The following STK10 variants were observed in gnomAD, a reference collection of about 807,000 sequenced individuals.
STK10 encodes the protein serine/threonine-protein kinase 10.
Under a neutral mutation model 113.8 loss-of-function variants are expected in STK10, and 78 were observed. The observed-to-expected ratio is 0.69, with a 90% CI of 0.57 to 0.83. The LOEUF (loss-of-function observed/expected upper bound fraction) is 0.83, where lower values mean the gene tolerates loss of function less well. STK10 is among the 40% of genes least tolerant of loss of function. The pLI is 0.00. For missense variants in STK10, 1,109 were observed against 1,280.1 expected (o/e 0.87, Z 2.04); for synonymous variants, 465 against 494.7 (o/e 0.94, Z 0.80).
chr5:172,136,501 G>A lies in STK10; in HGVS notation c.322-9080C>T, dbSNP rs538517071. ...AGTCCCAGCTACTCGGGAGGCTGAGGCAGGAGAATGGTGTGAACCCAGGAG... is the reference window on the plus strand; with the variant it reads ...AGTCCCAGCTACTCGGGAGGCTGAGACAGGAGAATGGTGTGAACCCAGGAG... On this transcript the variant is annotated intron_variant, in intron 2 of 18. Coordinates refer to ENST00000176763, the MANE Select transcript of STK10 (RefSeq NM_005990.4). 1.6e-3 allele frequency among the ~76,000 whole-genome samples: 249 copies of A among 152,318 alleles called. 2 individuals carry two copies. The highest frequency in any genetic ancestry group is 4.1e-3 in the Admixed American group (62 of 15,294).
Position 172,188,206 on chromosome 5 carries a change from G to A in STK10, c.-164C>T, listed in dbSNP as rs941582461. On this transcript the variant is annotated 5_prime_UTR_variant, in exon 1 of 19. Transcript: ENST00000176763. The surrounding 1 kb of genome is among the most constrained non-coding windows in gnomAD (Gnocchi z 5.6). ...CCGACCTCGGTCAAGTGTGCCCTGG[G>A]CAGCGCCGCGCCGGGAGCACCCGGA... 4 of 1,223,050 alleles carry A rather than the reference G, an allele frequency of 3.3e-6. No individual in the cohort carries two copies. Among genetic ancestry groups the A allele is most frequent in the Non-Finnish European group, 3.2e-6 (3 of 932,768 alleles). The allele number at this position is 1,223,050 out of a possible 1,614,324, so 75.8% of individuals were successfully genotyped here. A position where few individuals can be genotyped will look rare whatever the true frequency, so the allele number is the denominator to read the frequency against.
At chr5:172,134,302 T>C (rs1581171979) in intron 2 of STK10, among the ~76,000 whole-genome samples, 1 of 152,228 alleles carries the variant, frequency 6.6e-6, no homozygotes, top group African/African-American at 2.4e-5. Context: ...GTAGGATGTA[T>C]GATCATCCTC....
At chr5:172,129,405 G>C (rs867145367) in intron 2 of STK10, among the ~76,000 whole-genome samples, 7 of 152,126 alleles carry the variant, frequency 4.6e-5, no homozygotes, top group Admixed American at 6.5e-5. Context: ...GGTCCTGCCT[G>C]GTCATCAACA....
chr5:172,062,518 A>G (rs1427751993), intron 13 of STK10, among the ~76,000 whole-genome samples: 1 of 147,002 alleles, frequency 6.8e-6, no homozygotes, highest in Non-Finnish European at 1.5e-5. Context: ...CGATAGATAA[A>G]TGGATAAATC....
At chr5:172,097,382 C>T (rs1234767037) in intron 7 of STK10, among the ~76,000 whole-genome samples, 1 of 152,208 alleles carries the variant, frequency 6.6e-6, no homozygotes, top group African/African-American at 2.4e-5. Flanking sequence ...GTAACTGCCA[C>T]CCAGCTCAAG....
At position 172,139,304 on chromosome 5, in the gene STK10, A is replaced by G. The variant is rs554578696; in HGVS notation, c.322-11883T>C. ...ATTTCAAAATGTACTACAATGCTGCAGTAACCAATACGGTGTGGTACTGGC... is the reference window on the plus strand; with the variant it reads ...ATTTCAAAATGTACTACAATGCTGCGGTAACCAATACGGTGTGGTACTGGC... On this transcript the variant is annotated intron_variant, in intron 2 of 18. Transcript: ENST00000176763. 2.4e-4 allele frequency among the ~76,000 whole-genome samples: 37 copies of G among 152,330 alleles called. 1 individual carries two copies. Among genetic ancestry groups the G allele is most frequent in the Middle Eastern group, 6.8e-3 (2 of 294 alleles).
intron 1 of STK10, among the ~76,000 whole-genome samples, chr5:172,157,129 G>T (rs1162866729): frequency 6.6e-6 from 1 of 152,192 alleles, no homozygotes; most frequent in Non-Finnish European, 1.5e-5. Flanking sequence ...CATAAAAAAT[G>T]GAAAACTACG....
chr5:172,125,020 G>A (rs113480937), intron 3 of STK10, among the ~76,000 whole-genome samples: 6 of 152,110 alleles, frequency 3.9e-5, no homozygotes, highest in Admixed American at 2.0e-4. Context: ...CCTTTTATGC[G>A]TTTGTTGCAA....
chr5:172,094,467 T>A (rs1212372905), intron 8 of STK10, among the ~76,000 whole-genome samples: 4 of 152,124 alleles, frequency 2.6e-5, no homozygotes, highest in African/African-American at 7.2e-5. Flanking sequence ...GGTTCCCACC[T>A]GGGAGTGGTC....
At chr5:172,127,328 C>T (rs761820561) in intron 3 of STK10, 45 bp downstream of exon 3, 33 of 1,610,426 alleles carry the variant, frequency 2.0e-5, no homozygotes, top group East Asian at 4.5e-5. Context: ...GGACTCCAAA[C>T]GAGTCGTCTG....
At chr5:172,181,234 G>A (rs908647583) in intron 1 of STK10, among the ~76,000 whole-genome samples, 1 of 152,172 alleles carries the variant, frequency 6.6e-6, no homozygotes. Flanking sequence ...CAGCATGTGC[G>A]TATTTCTTCT....
At position 172,061,416 on chromosome 5, in the gene STK10, CTT is replaced by C. The variant is rs202237173; in HGVS notation, c.2083-150_2083-149del. 2,914 of 1,122,462 alleles carry C rather than the reference CTT, an allele frequency of 2.6e-3. 51 individuals are homozygous for C. The African/African-American group carries it at 0.041, about 16-fold the overall frequency. The allele number at this position is 1,122,462 out of a possible 1,614,324, so 69.5% of individuals were successfully genotyped here. ...TGGTGGAGGAGAAATTTAAGGGAGA[CTT>C]AGAGACGCATCAACCAATTTCAACA... On this transcript the variant is annotated intron_variant, in intron 13 of 18. Coordinates refer to ENST00000176763, the MANE Select transcript of STK10 (RefSeq NM_005990.4).
intron 2 of STK10, among the ~76,000 whole-genome samples, chr5:172,132,498 T>A (rs1769775931): frequency 6.6e-6 from 1 of 152,082 alleles, no homozygotes; most frequent in Non-Finnish European, 1.5e-5. Flanking sequence ...GTCCCCTGCT[T>A]CCTGGATAAA....
chr5:172,055,697 A>AGCCGCGCCTTTTCCTGTTGCT lies in STK10; in HGVS notation c.2396_2416dup (p.Gln799_Arg805dup). 1 of 1,584,670 alleles carries AGCCGCGCCTTTTCCTGTTGCT rather than the reference A, an allele frequency of 6.3e-7. No individual in the cohort carries two copies. The highest frequency in any genetic ancestry group is 1.1e-5 in the South Asian group (1 of 87,242). ...GCCCTCACTCCTCTGGATCTTGGGC[A>AGCCGCGCCTTTTCCTGTTGCT]GCCGCGCCTTTTCCTGTTGCTGCCG... On this transcript the variant is annotated inframe_insertion, in exon 16 of 19. Coordinates refer to ENST00000176763, the MANE Select transcript of STK10 (RefSeq NM_005990.4).
In STK10 at chr5:172,188,011, C is replaced by T. The variant is rs115420947; in HGVS notation, c.32G>A (p.Arg11His). MAFANFRRILRLSTFEKRKSR... is the reference protein window; with the variant it reads MAFANFRRILHLSTFEKRKSR... Reference sequence around the variant, plus strand: ...CTTTCTCTTCTCGAAGGTAGACAGGCGCAGGATGCGGCGGAAATTGGCAAA... The same window carrying T: ...CTTTCTCTTCTCGAAGGTAGACAGGTGCAGGATGCGGCGGAAATTGGCAAA... Residue 11 changes from arginine to histidine, a missense_variant, in exon 1 of 19, where the codon CGC (arginine) becomes CAC (histidine). Coordinates refer to ENST00000176763, the MANE Select transcript of STK10 (RefSeq NM_005990.4). This position sits in a 1 kb window ranked among gnomAD's most constrained non-coding sequence, Gnocchi z 5.6. 1.9e-6 allele frequency: 3 copies of T among 1,613,158 alleles called. No individual in the cohort carries two copies. The East Asian group carries it at 6.7e-5, about 36-fold the overall frequency.
intron 12 of STK10, 137 bp from the exon 13 acceptor site, chr5:172,064,949 G>T: frequency 1.1e-6 from 1 of 869,598 alleles, no homozygotes; most frequent in Non-Finnish European, 1.8e-6. Flanking sequence ...ACCCTACGCG[G>T]CTCCCCACCA....
At chr5:172,126,565 AAAAT>A (rs1472154153) in intron 3 of STK10, among the ~76,000 whole-genome samples, 2 of 152,178 alleles carry the variant, frequency 1.3e-5, no homozygotes, top group Non-Finnish European at 2.9e-5. Context: ...CTCCATCTCA[AAAAT>A]AAATAAATAA....
chr5:172,096,346 C>T (rs1209039980), intron 8 of STK10, 80 bp downstream of exon 8: 8 of 1,579,910 alleles, frequency 5.1e-6, no homozygotes, highest in Admixed American at 5.1e-5. Flanking sequence ...CCTGGCCTTC[C>T]CTGCCCCTCC....
rs559014648 is a variant in STK10, at chr5:172,187,606, G to C, written c.156+281C>G. On this transcript the variant is annotated intron_variant, in intron 1 of 18. Transcript: ENST00000176763. This position sits in a 1 kb window ranked among gnomAD's most constrained non-coding sequence, Gnocchi z 4.6. ...TCAACGCCCCTTTGTCTCCCCGTGCGGCGCCGAGCGCAGTGCAGGACACAC... is the reference window on the plus strand; with the variant it reads ...TCAACGCCCCTTTGTCTCCCCGTGCCGCGCCGAGCGCAGTGCAGGACACAC... 6.6e-6 allele frequency among the ~76,000 whole-genome samples: 1 copy of C among 152,304 alleles called. No individual in the cohort carries two copies. Among genetic ancestry groups the C allele is most frequent in the Non-Finnish European group, 1.5e-5 (1 of 68,028 alleles).
Sources: gnomAD v4.1 joint callset for allele counts (sites outside exome capture counted in the v4.1 genomes callset) on GRCh38, gnomAD v4.1.1 for gene constraint, Gnocchi (gnomAD v3.1) non-coding constraint, MANE v1.5 for transcripts, NCBI Gene and HGNC (gene_info 2026-07-23, HGNC 2026-07-21) for gene names.